Variants in SRPK2 observed in about 807,000 individuals in gnomAD.
SRPK2 encodes the protein SFRS protein kinase 2.
SRPK2 carries 21 observed loss-of-function variants against 90.8 expected under a neutral mutation model. That is an observed-to-expected ratio of 0.23 (90% CI 0.16 to 0.33). The LOEUF is 0.33. Among genes scored for constraint, SRPK2 ranks in the 10% least tolerant of loss-of-function variants. SRPK2 has a pLI of 1.00. For missense variants in SRPK2, 620 were observed against 869.0 expected (o/e 0.71, Z 3.60); for synonymous variants, 288 against 311.1 (o/e 0.93, Z 0.78).
intron 2 of SRPK2, among the ~76,000 whole-genome samples, chr7:105,277,418 G>A (rs774286147): frequency 1.3e-5 from 2 of 152,166 alleles, no homozygotes; most frequent in Admixed American, 6.5e-5. Flanking sequence ...AATGCAAAAG[G>A]CCCGCAAAGG....
At chr7:105,219,726 T>C (rs1797875122) in intron 2 of SRPK2, among the ~76,000 whole-genome samples, 1 of 152,232 alleles carries the variant, frequency 6.6e-6, no homozygotes. Context: ...AAGCCTACAA[T>C]CTAATACTCT....
In SRPK2 at chr7:105,132,859, G is replaced by T; in HGVS notation, c.1684C>A (p.Arg562Ser). ...GCTCCTATTAAAACCTCTATGGAGC[G>T]GTACTGACGCGTCTGGATGTCTTCC... ...FTEDIQTRQY[R>S]SIEVLIGAGY... The change falls in exon 13 of 16, where the codon CGC becomes AGC. Residue 562 changes from arginine to serine, a missense_variant. By Grantham distance (110) the Arg-to-Ser change is moderately radical (BLOSUM62 -1). Coordinates refer to ENST00000393651, the MANE Select transcript of SRPK2 (RefSeq NM_182692.3). The T allele has an allele frequency of 6.2e-7, 1 of 1,611,460 alleles. No individual in the cohort carries two copies.
At chr7:105,239,456 A>G (rs1048797048) in intron 2 of SRPK2, among the ~76,000 whole-genome samples, 1 of 152,274 alleles carries the variant, frequency 6.6e-6, no homozygotes, top group Non-Finnish European at 1.5e-5. Context: ...TTATCAAGGT[A>G]TCACTGAGGC....
intron 2 of SRPK2, among the ~76,000 whole-genome samples, chr7:105,307,664 C>T (rs778262055): frequency 6.6e-6 from 1 of 152,220 alleles, no homozygotes; most frequent in Non-Finnish European, 1.5e-5. Flanking sequence ...TGACTTCCTA[C>T]AGAATCCAGG....
At chr7:105,331,334 A>AC (rs1814361731) in intron 2 of SRPK2, among the ~76,000 whole-genome samples, 1 of 145,940 alleles carries the variant, frequency 6.9e-6, no homozygotes, top group Non-Finnish European at 1.5e-5. Context: ...AAAAAAAAAA[A>AC]AAACAAATAG....
intron 2 of SRPK2, among the ~76,000 whole-genome samples, chr7:105,312,113 A>G (rs1811771453): frequency 6.6e-6 from 1 of 152,218 alleles, no homozygotes; most frequent in South Asian, 2.1e-4. Flanking sequence ...ATGAACAAAT[A>G]ATTTCAAGAT....
At position 105,215,559 on chromosome 7, in the gene SRPK2, T is replaced by C. The variant is rs758862340; in HGVS notation, c.72-11774A>G. 3.3e-5 allele frequency among the ~76,000 whole-genome samples: 5 copies of C among 152,314 alleles called. 1 individual carries two copies. The highest frequency in any genetic ancestry group is 2.0e-4 in the Admixed American group (3 of 15,296). ...GAACACTCACAGCCACACTTTCTTA[T>C]AGCCTAAAGTAGAAACCACCCAAAC... On this transcript the variant is annotated intron_variant, in intron 2 of 15. Transcript: ENST00000393651.
chr7:105,297,485 C>T (rs1809972523), intron 2 of SRPK2: 2 of 985,188 alleles, frequency 2.0e-6, no homozygotes, highest in Admixed American at 6.1e-5. Context: ...GCCATCTGGC[C>T]CCTCAGATGT....
chr7:105,295,242 ATTAATAT>A (rs1271040598), intron 2 of SRPK2, among the ~76,000 whole-genome samples: 1 of 151,660 alleles, frequency 6.6e-6, no homozygotes, highest in African/African-American at 2.4e-5. Flanking sequence ...AAAATATTTT[ATTAATAT>A]TTAATATTTA....
intron 2 of SRPK2, among the ~76,000 whole-genome samples, chr7:105,260,544 A>C (rs778848386): frequency 1.3e-5 from 2 of 152,216 alleles, no homozygotes; most frequent in Non-Finnish European, 2.9e-5. Flanking sequence ...TACATACCCA[A>C]AGGACTATAA....
intron 8 of SRPK2, among the ~76,000 whole-genome samples, chr7:105,146,038 T>A (rs1584944967): frequency 6.6e-6 from 1 of 152,214 alleles, no homozygotes; most frequent in Admixed American, 6.5e-5. Flanking sequence ...GGTCACTTGA[T>A]CTTCTTCCCC....
intron 2 of SRPK2, among the ~76,000 whole-genome samples, chr7:105,285,051 G>A (rs1053406956): frequency 6.6e-6 from 1 of 152,074 alleles, no homozygotes; most frequent in African/African-American, 2.4e-5. Context: ...ATTTTTATCA[G>A]CTTTGGCCAT....
chr7:105,307,287 G>C (rs558924490), intron 2 of SRPK2, among the ~76,000 whole-genome samples: 16 of 152,222 alleles, frequency 1.1e-4, no homozygotes, highest in African/African-American at 3.9e-4. Context: ...CTTCAAGCAA[G>C]AAAGCTTTAT....
chr7:105,157,554 G>A (rs1806702524), intron 7 of SRPK2, among the ~76,000 whole-genome samples: 1 of 152,032 alleles, frequency 6.6e-6, no homozygotes, highest in South Asian at 2.1e-4. Flanking sequence ...GTAAGCTTAG[G>A]GGGAAAAAAT....
rs149849787 is a variant in SRPK2 at position 105,272,809 on chromosome 7, T to C, written c.72-69024A>G. Reference sequence around the variant, plus strand: ...GTCTAAAATTGAACCCATAAACTTATAAGCCTAATGTCTTCTTATATACTC... The same window carrying C: ...GTCTAAAATTGAACCCATAAACTTACAAGCCTAATGTCTTCTTATATACTC... On this transcript the variant is annotated intron_variant, in intron 2 of 15. Coordinates refer to ENST00000393651, the MANE Select transcript of SRPK2 (RefSeq NM_182692.3). Among the ~76,000 whole-genome samples the C allele has an allele frequency of 2.8e-3, 421 of 152,330 alleles. 3 individuals are homozygous for C. Among genetic ancestry groups the C allele is most frequent in the African/African-American group, 9.3e-3 (387 of 41,576 alleles).
At chr7:105,352,809 G>T (rs572816948) in intron 2 of SRPK2, among the ~76,000 whole-genome samples, 1 of 152,144 alleles carries the variant, frequency 6.6e-6, no homozygotes, top group African/African-American at 2.4e-5. Context: ...GCTGAGGCAG[G>T]AGAATTGCTT....
chr7:105,204,592 C>T (rs562224706), intron 2 of SRPK2: 5 of 530,622 alleles, frequency 9.4e-6, no homozygotes, highest in African/African-American at 3.8e-5. Flanking sequence ...TGAATGCGTG[C>T]GCTGAAGATG....
intron 2 of SRPK2, among the ~76,000 whole-genome samples, chr7:105,376,882 TACACACACAC>T (rs34080086): frequency 7.4e-5 from 9 of 121,000 alleles, no homozygotes; most frequent in Non-Finnish European, 1.0e-4. Context: ...TTTTCTCCTT[TACACACACAC>T]ACACACACAC....
At chr7:105,349,340 T>A (rs1411495662) in intron 2 of SRPK2, among the ~76,000 whole-genome samples, 2 of 151,772 alleles carry the variant, frequency 1.3e-5, no homozygotes, top group Non-Finnish European at 2.9e-5. Context: ...CCGACCAACA[T>A]GGAGAAGCCC....
Sources: allele counts gnomAD v4.1 joint callset (sites outside exome capture counted in the v4.1 genomes callset), GRCh38; gene constraint gnomAD v4.1.1; transcripts MANE v1.5; gene names NCBI Gene and HGNC (gene_info 2026-07-23, HGNC 2026-07-21).